The following LHFPL6 variants were observed in gnomAD, a reference collection of about 807,000 sequenced individuals.
LHFPL6 encodes the protein LHFPL tetraspan subfamily member 6 protein.
Under a neutral mutation model 20.6 loss-of-function variants are expected in LHFPL6, and 9 were observed. That is an observed-to-expected ratio of 0.44 (90% CI 0.26 to 0.76). The LOEUF is 0.76. Among genes scored for constraint, LHFPL6 ranks in the 30% least tolerant of loss-of-function variants. LHFPL6 has a pLI of 0.20. For synonymous variants in LHFPL6, 105 were observed against 98.7 expected (o/e 1.06, Z -0.38); for missense variants, 218 against 253.5 (o/e 0.86, Z 0.95).
intron 2 of LHFPL6, among the ~76,000 whole-genome samples, chr13:39,564,772 C>T (rs1017878330): frequency 6.6e-6 from 1 of 152,168 alleles, no homozygotes; most frequent in Non-Finnish European, 1.5e-5. Flanking sequence ...GGGTTAAGAA[C>T]ACTACTTCCA....
rs1447604379 is a variant in LHFPL6, at chr13:39,362,164, G to C, written c.484+16264C>G. 3.9e-5 allele frequency among the ~76,000 whole-genome samples: 6 copies of C among 152,364 alleles called. No homozygotes were observed. The South Asian group carries it at 1.2e-3, about 32-fold the overall frequency. ...AACTATAATCCCCAGTGTTGGAGGA[G>C]GGGCCTGGTGGGAGGTGACTGGATC... On this transcript the variant is annotated intron_variant, in intron 3 of 3. Transcript: ENST00000379589.
chr13:39,565,905 T>C (rs1183484873), intron 2 of LHFPL6, among the ~76,000 whole-genome samples: 1 of 152,062 alleles, frequency 6.6e-6, no homozygotes, highest in African/African-American at 2.4e-5. Flanking sequence ...ACATGAGAAA[T>C]AACAACAGGA....
At chr13:39,581,320 C>T (rs972942066) in intron 2 of LHFPL6, among the ~76,000 whole-genome samples, 1 of 152,070 alleles carries the variant, frequency 6.6e-6, no homozygotes, top group African/African-American at 2.4e-5. Context: ...GTCAAATGTA[C>T]ATCAAAAGGT....
At chr13:39,581,905 A>G (rs1212806602) in intron 2 of LHFPL6, among the ~76,000 whole-genome samples, 1 of 152,224 alleles carries the variant, frequency 6.6e-6, no homozygotes, top group Non-Finnish European at 1.5e-5. Flanking sequence ...AAATGTCAAA[A>G]TTCAAAAGCC....
At chr13:39,535,452 C>T (rs1870588576) in intron 2 of LHFPL6, among the ~76,000 whole-genome samples, 1 of 152,138 alleles carries the variant, frequency 6.6e-6, no homozygotes, top group East Asian at 1.9e-4. Flanking sequence ...TTAAGTACAA[C>T]AATTTTAAAG....
At chr13:39,360,664 A>C (rs1377503819) in intron 3 of LHFPL6, among the ~76,000 whole-genome samples, 1 of 94,218 alleles carries the variant, frequency 1.1e-5, no homozygotes, top group African/African-American at 3.1e-5. Flanking sequence ...AAAGAGCTCT[A>C]CAGAGACATG....
chr13:39,462,382 T>A (rs1223288769), intron 2 of LHFPL6, among the ~76,000 whole-genome samples: 2 of 151,594 alleles, frequency 1.3e-5, no homozygotes, highest in East Asian at 3.9e-4. Context: ...TGGTTGCTTT[T>A]AAAAAAAAAT....
chr13:39,478,538 AG>A (rs1241213385), intron 2 of LHFPL6, among the ~76,000 whole-genome samples: 1 of 152,138 alleles, frequency 6.6e-6, no homozygotes, highest in Non-Finnish European at 1.5e-5. Context: ...TGACTGCCCC[AG>A]GAAGTGCGCA....
At chr13:39,411,986 A>T (rs956312638) in intron 2 of LHFPL6, among the ~76,000 whole-genome samples, 1 of 152,238 alleles carries the variant, frequency 6.6e-6, no homozygotes, top group African/African-American at 2.4e-5. Context: ...CTTCTGTGGG[A>T]CATAAGTATT....
chr13:39,502,175 C>T (rs1476833260), intron 2 of LHFPL6, among the ~76,000 whole-genome samples: 2 of 152,204 alleles, frequency 1.3e-5, no homozygotes, highest in Admixed American at 1.3e-4. Context: ...AATGGCCTTG[C>T]CAGGAAGGCT....
At chr13:39,381,048 T>G (rs1300711373) in intron 2 of LHFPL6, among the ~76,000 whole-genome samples, 1 of 152,164 alleles carries the variant, frequency 6.6e-6, no homozygotes, top group Non-Finnish European at 1.5e-5. Flanking sequence ...CTAAATGTAA[T>G]GTGCTTGAAT....
chr13:39,589,867 T>C (rs1346953387), intron 2 of LHFPL6, among the ~76,000 whole-genome samples: 1 of 152,176 alleles, frequency 6.6e-6, no homozygotes, highest in African/African-American at 2.4e-5. Context: ...TATTACATAT[T>C]ACATTATTAA....
intron 2 of LHFPL6, among the ~76,000 whole-genome samples, chr13:39,508,112 C>T (rs1453895348): frequency 6.6e-6 from 1 of 151,942 alleles, no homozygotes; most frequent in African/African-American, 2.4e-5. Context: ...TCAATTTCCG[C>T]CTCCCAGGTT....
intron 3 of LHFPL6, among the ~76,000 whole-genome samples, chr13:39,348,123 G>A (rs1869456835): frequency 6.6e-6 from 1 of 152,116 alleles, no homozygotes; most frequent in African/African-American, 2.4e-5. Flanking sequence ...TTTGTTTTTG[G>A]CAGAGAAGTC....
At chr13:39,449,833 CA>C (rs34024514) in intron 2 of LHFPL6, among the ~76,000 whole-genome samples, 5,093 of 133,328 alleles carry the variant, frequency 0.038, 139 homozygotes, top group East Asian at 0.14. Flanking sequence ...CTGAAAGTAG[CA>C]AAAAAAAAAA....
At chr13:39,358,723 G>A (rs892793839) in intron 3 of LHFPL6, among the ~76,000 whole-genome samples, 1 of 152,106 alleles carries the variant, frequency 6.6e-6, no homozygotes, top group Non-Finnish European at 1.5e-5. Context: ...ATTAATAAGT[G>A]GGCAAAGGAC....
Position 39,516,909 on chromosome 13 carries a change from T to C in LHFPL6, c.385+83923A>G, listed in dbSNP as rs535929968. On this transcript the variant is annotated intron_variant, in intron 2 of 3. Transcript: ENST00000379589. The stretch of plus-strand genomic sequence containing the variant: ...TGATCAACTTATTATACAAAGCCTC[T>C]TAAATCAGCTCATGTAGCATTCTAT... Among the ~76,000 whole-genome samples, 4 of 152,342 alleles carry C rather than the reference T, an allele frequency of 2.6e-5. No homozygotes were observed. In the South Asian group the frequency reaches 8.3e-4, roughly 32 times the overall value.
At chr13:39,499,686 A>G (rs1331344457) in intron 2 of LHFPL6, among the ~76,000 whole-genome samples, 1 of 152,206 alleles carries the variant, frequency 6.6e-6, no homozygotes, top group Non-Finnish European at 1.5e-5. Context: ...CCATCAGCTT[A>G]GTGCTGGAGA....
intron 2 of LHFPL6, among the ~76,000 whole-genome samples, chr13:39,437,900 T>TC (rs1555262471): frequency 4.6e-5 from 2 of 43,482 alleles, no homozygotes; most frequent in Non-Finnish European, 1.4e-4. Context: ...AGACTCCGTC[T>TC]CAAAAAAAAA....
Sources: gnomAD v4.1 joint callset for allele counts (sites outside exome capture counted in the v4.1 genomes callset) on GRCh38, gnomAD v4.1.1 for gene constraint, MANE v1.5 for transcripts, NCBI Gene and HGNC (gene_info 2026-07-23, HGNC 2026-07-21) for gene names.